Variants in POU2F2 observed in about 807,000 individuals in gnomAD.
POU2F2 encodes the protein POU class 2 homeobox 2.
A neutral mutation model predicts 63.5 loss-of-function variants in POU2F2; 14 were observed. The observed-to-expected ratio is 0.22, with a 90% CI of 0.15 to 0.34. POU2F2 has a LOEUF of 0.34. Ranked by LOEUF, POU2F2 falls within the 10% of genes least tolerant of loss-of-function variation. The probability of loss-of-function intolerance (pLI) is 1.00; values close to 1 mark genes in which losing one functional copy is unlikely to be tolerated. For synonymous variants in POU2F2, 306 were observed against 348.6 expected, an observed-to-expected ratio of 0.88 and a Z score of 1.36; for missense variants, 607 against 815.2, an observed-to-expected ratio of 0.74 and a Z score of 3.11.
chr19:42,115,958 G>T (rs551112215), intron 5 of POU2F2, among the ~76,000 whole-genome samples: 1 of 152,198 alleles, frequency 6.6e-6, no homozygotes, highest in Admixed American at 6.5e-5. Flanking sequence ...GCAGAGATTG[G>T]AGTGAGCCAT....
Position 42,091,268 on chromosome 19 carries a change from T to C in POU2F2, c.1864A>G (p.Lys622Glu). ...GGCATGGCTGGCCCTCACTCAGGTT[T>C]GGACCCTGCCTCGGGCCCCCCTGGA... ...GGPGGPEAGS[K>E]PE The change falls in exon 15 of 15, where the codon AAA becomes GAA. Residue 622 changes from lysine (K) to glutamate (E), a missense_variant. This residue lies in a region of POU2F2 where 270 missense variants were observed against 307.5 expected (regional missense o/e 0.88). Transcript: ENST00000692977. 1 of 1,532,218 alleles carries C rather than the reference T, an allele frequency of 6.5e-7. No homozygotes were observed. The highest frequency in any genetic ancestry group is 8.7e-7 in the Non-Finnish European group (1 of 1,145,850). 94.9% of individuals were successfully genotyped at this position (1,532,218 alleles called of 1,614,324 possible). A position where few individuals can be genotyped will look rare whatever the true frequency, so the allele number is the denominator to read the frequency against.
chr19:42,101,988 A>G (rs2077161397), intron 5 of POU2F2, among the ~76,000 whole-genome samples: 1 of 152,084 alleles, frequency 6.6e-6, no homozygotes, highest in African/African-American at 2.4e-5. Flanking sequence ...AAAAAAAAAA[A>G]AAAAGAAAGC....
chr19:42,091,988 C>T (rs746625437), intron 13 of POU2F2, 48 bp from the exon 14 acceptor site: 2 of 1,535,834 alleles, frequency 1.3e-6, no homozygotes. Context: ...GACCTGCCAA[C>T]ATAACTGGGG....
At chr19:42,177,013 C>CGCGG (rs1488645483), upstream of POU2F2, 38 of 134,746 alleles carry the variant, frequency 2.8e-4, no homozygotes, top group African/African-American at 3.8e-4. Context: ...GCAAGCGCGG[C>CGCGG]GCGGGCGGGC....
rs80334885 is a variant in POU2F2, at chr19:42,149,946, C to G, written c.-9+10386G>C. Among the ~76,000 whole-genome samples, 1,421 of 152,312 alleles carry G rather than the reference C, an allele frequency of 9.3e-3. 22 individuals are homozygous for G. Among genetic ancestry groups the G allele is most frequent in the African/African-American group, 0.033 (1,357 of 41,550 alleles). Reference sequence around the variant, plus strand: ...GCCTCCCAAAGAAAAGGGCCAAGTTCAGTGTGGAAGGGGCAGAGACAGGCC... The same window carrying G: ...GCCTCCCAAAGAAAAGGGCCAAGTTGAGTGTGGAAGGGGCAGAGACAGGCC... On this transcript the variant is annotated intron_variant, in intron 2 of 6. Transcript: ENST00000524801.
chr19:42,103,181 T>C (rs1024873845), intron 5 of POU2F2, among the ~76,000 whole-genome samples: 1 of 152,150 alleles, frequency 6.6e-6, no homozygotes, highest in Non-Finnish European at 1.5e-5. Flanking sequence ...ACCCAGTCTA[T>C]ACCAGCCCCT....
intron 2 of POU2F2, among the ~76,000 whole-genome samples, chr19:42,150,704 AT>A (rs920003678): frequency 9.0e-5 from 13 of 143,680 alleles, no homozygotes; most frequent in African/African-American, 2.1e-4. Flanking sequence ...TTCTTATTAT[AT>A]TTTTTCTTAT....
intron 1 of POU2F2, among the ~76,000 whole-genome samples, chr19:42,166,257 C>T (rs1312651609): frequency 6.6e-6 from 1 of 152,064 alleles, no homozygotes; most frequent in Non-Finnish European, 1.5e-5. Flanking sequence ...ACTATGTTCA[C>T]TTTTGTCATT....
At chr19:42,091,673 C>A in intron 14 of POU2F2, 82 bp from the exon 15 acceptor site, 1 of 1,550,444 alleles carries the variant, frequency 6.4e-7, no homozygotes, top group Non-Finnish European at 8.7e-7. Context: ...GCCCAGAGTG[C>A]CCCCCATCTC....
chr19:42,176,421 C>T (rs558890719), upstream of POU2F2, among the ~76,000 whole-genome samples: 1 of 152,292 alleles, frequency 6.6e-6, no homozygotes, highest in Non-Finnish European at 1.5e-5. Flanking sequence ...AGCTCTGCGG[C>T]CGTCAGGCTC....
At chr19:42,161,309 T>G (rs927706327) in intron 1 of POU2F2, among the ~76,000 whole-genome samples, 1 of 152,098 alleles carries the variant, frequency 6.6e-6, no homozygotes, top group Non-Finnish European at 1.5e-5. Flanking sequence ...CAGGGGCTGC[T>G]CCCTGCAGGG....
At chr19:42,100,784 C>T (rs998673525) in intron 5 of POU2F2, among the ~76,000 whole-genome samples, 1 of 151,692 alleles carries the variant, frequency 6.6e-6, no homozygotes, top group African/African-American at 2.4e-5. Flanking sequence ...AATTGTAAAC[C>T]AGACCAGGTC....
intron 1 of POU2F2, among the ~76,000 whole-genome samples, chr19:42,175,099 C>A (rs760426852): frequency 6.6e-6 from 1 of 152,180 alleles, no homozygotes; most frequent in East Asian, 1.9e-4. Context: ...TGTCCACACC[C>A]TTCTCAGTGG....
chr19:42,179,912 A>ACCCT (rs1349259527), upstream of POU2F2, among the ~76,000 whole-genome samples: 1 of 151,966 alleles, frequency 6.6e-6, no homozygotes, highest in East Asian at 1.9e-4. Flanking sequence ...AAGGAATACT[A>ACCCT]CCCTCTGTCC....
intron 1 of POU2F2, among the ~76,000 whole-genome samples, chr19:42,126,349 A>G (rs560631912): frequency 6.6e-6 from 1 of 152,082 alleles, no homozygotes; most frequent in Non-Finnish European, 1.5e-5. Context: ...AGGCTGAGGT[A>G]GGAGAATCAC....
chr19:42,108,245 C>T (rs1050375738), intron 5 of POU2F2, among the ~76,000 whole-genome samples: 4 of 152,208 alleles, frequency 2.6e-5, no homozygotes, highest in African/African-American at 9.7e-5. Context: ...CAGAAAGGCA[C>T]TTGGGCATGG....
chr19:42,117,418 A>G lies in POU2F2; in HGVS notation c.201T>C (p.Ser67=). 4.6e-6 allele frequency: 6 copies of G among 1,308,754 alleles called. No homozygotes were observed. The highest frequency in any genetic ancestry group is 6.4e-6 in the Non-Finnish European group (6 of 940,534). The allele number at this position is 1,308,754 out of a possible 1,614,324, so 81.1% of individuals were successfully genotyped here. A position where few individuals can be genotyped will look rare whatever the true frequency, so the allele number is the denominator to read the frequency against. ...GACCCCAGAATGTTAAGTGGAGGCC[A>G]GAGAGAATGCCCACCTGTGAACCAA... The part of the protein sequence containing the change: ...TGPSTKVGIL[S]GLHLTFWGPG... Residue 67 remains serine, a synonymous_variant, in exon 5 of 15, where the codon TCT becomes TCC. Coordinates refer to ENST00000692977, the MANE Select transcript of POU2F2 (RefSeq NM_001394376.1). The surrounding 1 kb of genome is among the most constrained non-coding windows in gnomAD (Gnocchi z 4.4).
At chr19:42,106,302 G>C (rs1309972682) in intron 5 of POU2F2, among the ~76,000 whole-genome samples, 1 of 151,952 alleles carries the variant, frequency 6.6e-6, no homozygotes, top group Non-Finnish European at 1.5e-5. Flanking sequence ...GTAGAGAAGG[G>C]GTTTCACCAT....
upstream of POU2F2, among the ~76,000 whole-genome samples, chr19:42,135,392 T>TG (rs1568408754): frequency 6.6e-6 from 1 of 151,994 alleles, no homozygotes; most frequent in Non-Finnish European, 1.5e-5. Flanking sequence ...GGGCAGCCTC[T>TG]GGGGGGTTAG....
Sources: allele counts gnomAD v4.1 joint callset (sites outside exome capture counted in the v4.1 genomes callset), GRCh38; gene constraint gnomAD v4.1.1; regional missense constraint gnomAD v4.1.1; non-coding constraint Gnocchi (gnomAD v3.1); transcripts MANE v1.5; gene names NCBI Gene and HGNC (gene_info 2026-07-23, HGNC 2026-07-21).